Variants in ITIH4 observed in about 807,000 individuals in gnomAD.
ITIH4 encodes the protein inter-alpha-trypsin inhibitor heavy chain H4.
In ITIH4, 79 loss-of-function variants were observed where a neutral mutation model predicts 111.8. That is an observed-to-expected ratio of 0.71 (90% CI 0.59 to 0.85). The LOEUF is 0.85. Ranked by LOEUF, ITIH4 falls within the 40% of genes least tolerant of loss-of-function variation. The pLI is 0.00. For missense variants in ITIH4, 1,065 were observed against 1,195.8 expected (o/e 0.89, Z 1.61); for synonymous variants, 472 against 468.3 (o/e 1.01, Z -0.10).
At position 52,824,161 on chromosome 3, in the gene ITIH4, C is replaced by T. The variant is rs201471059; in HGVS notation, c.1171+29G>A. 12 of 1,609,948 alleles carry T rather than the reference C, an allele frequency of 7.5e-6. No individual in the cohort carries two copies. Among genetic ancestry groups the T allele is most frequent in the South Asian group, 3.3e-5 (3 of 90,944 alleles). ...CCCCAGCCGCCTCCCCTGTGCAGCA[C>T]GTCCTGGAGTCACGGGCAGGGCCCT... On this transcript the variant is annotated intron_variant, in intron 9 of 23. Coordinates refer to ENST00000266041, the MANE Select transcript of ITIH4 (RefSeq NM_002218.5). This position sits in a 1 kb window ranked among gnomAD's most constrained non-coding sequence, Gnocchi z 4.3.
chr3:52,821,166 A>G, intron 11 of ITIH4, 36 bp from the exon 12 acceptor site: 1 of 1,598,112 alleles, frequency 6.3e-7, no homozygotes, highest in Non-Finnish European at 8.5e-7. Flanking sequence ...AGGAGCAGTG[A>G]GGGCCGGACA....
Position 52,820,740 on chromosome 3 carries a change from C to T in ITIH4, c.1725G>A (p.Ala575=), listed in dbSNP as rs1318814009. The T allele has an allele frequency of 7.4e-6, 12 of 1,613,870 alleles. No individual in the cohort carries two copies. Among genetic ancestry groups the T allele is most frequent in the Middle Eastern group, 1.6e-4 (1 of 6,080 alleles). ...AGCTGTAGGCAAGTGATAAATTCAGCGCTTGGTTCCGGAGGGCCTGCTGAT... is the reference window on the plus strand; with the variant it reads ...AGCTGTAGGCAAGTGATAAATTCAGTGCTTGGTTCCGGAGGGCCTGCTGAT... The part of the protein sequence containing the change: ...DADQQALRNQ[A]LNLSLAYSFV... The change falls in exon 13 of 24, where the codon GCG becomes GCA. Residue 575 remains alanine, a synonymous_variant. Transcript: ENST00000266041.
chr3:52,817,076 G>C lies in ITIH4; in HGVS notation c.2297-18C>G, dbSNP rs2154111190. 1 of 1,608,800 alleles carries C rather than the reference G, an allele frequency of 6.2e-7. No individual in the cohort carries two copies. The highest frequency in any genetic ancestry group is 2.2e-5 in the East Asian group (1 of 44,792). On this transcript the variant is annotated intron_variant, in intron 20 of 23. Coordinates refer to ENST00000266041, the MANE Select transcript of ITIH4 (RefSeq NM_002218.5). ...CTCAACCCCTGGGAGGACCAGACCA[G>C]AGAGGTCATAGCTGGGCCCCAGCCA...
rs775433744 is a variant in ITIH4, at chr3:52,826,564, T to C, written c.607A>G (p.Thr203Ala). ...FMTNQLVDAL[T>A]TWQNKTKAHI... ...ACCTTGGTCTTATTCTGCCAGGTGG[T>C]GAGGGCGTCTACCAGCTGGTTGGTC... Residue 203 changes from threonine (T) to alanine (A), a missense_variant, in exon 5 of 24, where the codon ACC becomes GCC. Transcript: ENST00000266041. The C allele has an allele frequency of 3.1e-6, 5 of 1,613,932 alleles. No individual in the cohort carries two copies. In the African/African-American group the frequency reaches 6.7e-5, roughly 22 times the overall value.
intron 21 of ITIH4, among the ~76,000 whole-genome samples, chr3:52,814,935 G>A (rs905930741): frequency 3.3e-5 from 5 of 152,182 alleles, no homozygotes; most frequent in African/African-American, 1.2e-4. Context: ...ATGATTGAAG[G>A]AGTTTCTCTG....
chr3:52,814,910 A>G (rs1048216558), intron 21 of ITIH4, among the ~76,000 whole-genome samples: 2 of 152,098 alleles, frequency 1.3e-5, no homozygotes, highest in Non-Finnish European at 2.9e-5. Context: ...TCAGTTTGTC[A>G]TAAATTAATT....
At chr3:52,827,448 G>A (rs998038065) in intron 2 of ITIH4, among the ~76,000 whole-genome samples, 1 of 152,204 alleles carries the variant, frequency 6.6e-6, no homozygotes, top group Non-Finnish European at 1.5e-5. Context: ...TTTATAGAAG[G>A]GACGAAGGGG....
At position 52,824,790 on chromosome 3, in the gene ITIH4, G is replaced by C; in HGVS notation, c.876+52C>G. 7.0e-7 allele frequency: 1 copy of C among 1,433,774 alleles called. No individual in the cohort carries two copies. Among genetic ancestry groups the C allele is most frequent in the Non-Finnish European group, 9.7e-7 (1 of 1,031,130 alleles). 88.8% of individuals were successfully genotyped at this position (1,433,774 alleles called of 1,614,324 possible). A position where few individuals can be genotyped will look rare whatever the true frequency, so the allele number is the denominator to read the frequency against. On this transcript the variant is annotated intron_variant, in intron 7 of 23. Coordinates refer to ENST00000266041, the MANE Select transcript of ITIH4 (RefSeq NM_002218.5). This position sits in a 1 kb window ranked among gnomAD's most constrained non-coding sequence, Gnocchi z 4.3. ...TCTGCCTGCCGGACCACAGCTGATAGCGTGAAGGGCCTGGGAGTTTTCAGG... is the reference window on the plus strand; with the variant it reads ...TCTGCCTGCCGGACCACAGCTGATACCGTGAAGGGCCTGGGAGTTTTCAGG...
At position 52,824,183 on chromosome 3, in the gene ITIH4, C is replaced by A; in HGVS notation, c.1171+7G>T. The A allele has an allele frequency of 1.2e-6, 2 of 1,612,894 alleles. No individual in the cohort carries two copies. Among genetic ancestry groups the A allele is most frequent in the Non-Finnish European group, 1.7e-6 (2 of 1,179,772 alleles). On this transcript the variant is annotated splice_region_variant and intron_variant, in intron 9 of 23. Transcript: ENST00000266041. The surrounding 1 kb of genome is among the most constrained non-coding windows in gnomAD (Gnocchi z 4.3). ...GCACGTCCTGGAGTCACGGGCAGGG[C>A]CCTCACCCACAGTGGGGTCGCCATC... is the stretch of plus-strand genomic sequence containing the variant.
intron 1 of ITIH4, 153 bp downstream of exon 1, chr3:52,830,400 G>A: frequency 1.3e-6 from 1 of 754,636 alleles, no homozygotes; most frequent in Non-Finnish European, 2.4e-6. Flanking sequence ...GGCCCTTGGG[G>A]TAGTGCCTGG....
Position 52,827,216 on chromosome 3 carries a change from G to A in ITIH4, c.252-19C>T. The stretch of plus-strand genomic sequence containing the variant: ...GATGATCCTGGGGGCAGAAGGGTGG[G>A]AGTTGTTGAGAGCCTGGTGGCAGGG... On this transcript the variant is annotated intron_variant, in intron 2 of 23. Transcript: ENST00000266041. 2 of 1,589,268 alleles carry A rather than the reference G, an allele frequency of 1.3e-6. No individual in the cohort carries two copies. Among genetic ancestry groups the A allele is most frequent in the East Asian group, 2.2e-5 (1 of 44,714 alleles).
At chr3:52,822,115 G>A (rs1700391851) in intron 11 of ITIH4, among the ~76,000 whole-genome samples, 1 of 152,166 alleles carries the variant, frequency 6.6e-6, no homozygotes, top group Non-Finnish European at 1.5e-5. Flanking sequence ...AGGCCAAGGT[G>A]GGCAGATCAC....
Position 52,821,122 on chromosome 3 carries a change from C to A in ITIH4, c.1548G>T (p.Gln516His), listed in dbSNP as rs767912701. The part of the protein sequence containing the change: ...TATVSGKLPT[Q>H]NITFQTESSV... ...TGGACTCCGTTTGGAAAGTGATGTT[C>A]TGTGTAGGCTGGAAAGAGGGGCCCA... The change falls in exon 12 of 24, where the codon CAG becomes CAT. Residue 516 changes from glutamine (Q) to histidine (H), a missense_variant. By Grantham distance (24) the Gln-to-His change is conservative. Transcript: ENST00000266041. 6.2e-7 allele frequency: 1 copy of A among 1,613,184 alleles called. No homozygotes were observed. Among genetic ancestry groups the A allele is most frequent in the Non-Finnish European group, 8.5e-7 (1 of 1,179,916 alleles).
intron 2 of ITIH4, among the ~76,000 whole-genome samples, chr3:52,827,577 T>C (rs1700505049): frequency 6.6e-6 from 1 of 152,206 alleles, no homozygotes; most frequent in Non-Finnish European, 1.5e-5. Context: ...CCAGGGGAAC[T>C]AGTTCATCAC....
intron 6 of ITIH4, 169 bp from the exon 7 acceptor site, chr3:52,825,127 C>T (rs1375614422): frequency 2.2e-6 from 1 of 447,112 alleles, no homozygotes; most frequent in African/African-American, 2.0e-5. Flanking sequence ...AGACCAGCCC[C>T]TTTCTTGCGG....
intron 18 of ITIH4, 61 bp from the exon 19 acceptor site, chr3:52,818,344 A>T (rs1337441360): frequency 1.9e-6 from 3 of 1,572,236 alleles, no homozygotes; most frequent in Non-Finnish European, 2.6e-6. Context: ...AGGTTGAGGG[A>T]GGGAGCAGTG....
At chr3:52,825,275 C>A (rs1700463950) in intron 6 of ITIH4, 1 of 187,104 alleles carries the variant, frequency 5.3e-6, no homozygotes, top group Non-Finnish European at 1.1e-5. Flanking sequence ...GGGAAGACTT[C>A]AAAAACATGG....
chr3:52,816,938 T>C lies in ITIH4; in HGVS notation c.2417A>G (p.Asn806Ser), dbSNP rs1051010553. ...ASPEHVVVTR[N>S]RRSSAYKWKE... ...CCACTTGTACGCAGAGCTTCTTCGGTTCCGAGTCACCACCACGTGTTCAGG... is the reference window on the plus strand; with the variant it reads ...CCACTTGTACGCAGAGCTTCTTCGGCTCCGAGTCACCACCACGTGTTCAGG... The change falls in exon 21 of 24, where the codon AAC becomes AGC. Residue 806 changes from asparagine (N) to serine (S), a missense_variant. Transcript: ENST00000266041. 2 of 1,614,066 alleles carry C rather than the reference T, an allele frequency of 1.2e-6. No homozygotes were observed. Among genetic ancestry groups the C allele is most frequent in the Non-Finnish European group, 8.5e-7 (1 of 1,179,964 alleles).
At chr3:52,820,050 G>A (rs1212250337) in intron 14 of ITIH4, 60 bp from the exon 15 acceptor site, 3 of 1,538,976 alleles carry the variant, frequency 1.9e-6, no homozygotes, top group Non-Finnish European at 2.7e-6. Flanking sequence ...GCCCCACTTG[G>A]ATGGGGACTG....
Sources: allele counts gnomAD v4.1 joint callset (sites outside exome capture counted in the v4.1 genomes callset), GRCh38; gene constraint gnomAD v4.1.1; non-coding constraint Gnocchi (gnomAD v3.1); transcripts MANE v1.5; gene names NCBI Gene and HGNC (gene_info 2026-07-23, HGNC 2026-07-21).